The following AUTS2 variants were observed in gnomAD, a reference collection of about 807,000 sequenced individuals.
AUTS2 encodes autism susceptibility gene 2 protein.
In AUTS2, 17 loss-of-function variants were observed where a neutral mutation model predicts 112.4. The observed-to-expected ratio is 0.15, with a 90% confidence interval of 0.10 to 0.23. AUTS2 has a LOEUF of 0.23. Among genes scored for constraint, AUTS2 ranks in the 10% least tolerant of loss-of-function variants. AUTS2 has a pLI of 1.00. For synonymous variants in AUTS2, 751 were observed against 702.7 expected (o/e 1.07, Z -1.09); for missense variants, 1,510 against 1,701.6 (o/e 0.89, Z 1.98).
intron 4 of AUTS2, among the ~76,000 whole-genome samples, chr7:70,302,270 G>A (rs1789252130): frequency 6.6e-6 from 1 of 152,018 alleles, no homozygotes; most frequent in Non-Finnish European, 1.5e-5. Context: ...TTAAAAAAGT[G>A]GGCATGGTGG....
intron 2 of AUTS2, among the ~76,000 whole-genome samples, chr7:70,031,694 TTGAG>T (rs1460774108): frequency 2.0e-5 from 3 of 152,154 alleles, no homozygotes; most frequent in Non-Finnish European, 4.4e-5. Flanking sequence ...TCCTGCACAA[TTGAG>T]TGATGCTCTA....
At position 70,789,870 on chromosome 7, in the gene AUTS2, G is replaced by A. The variant is rs745581942; in HGVS notation, c.2654G>A (p.Arg885Gln). 3 of 1,614,098 alleles carry A rather than the reference G, an allele frequency of 1.9e-6. No homozygotes were observed. The highest frequency in any genetic ancestry group is 2.2e-5 in the East Asian group (1 of 44,850). The change falls in exon 19 of 19, where the codon CGG becomes CAG. Residue 885 changes from arginine (R) to glutamine (Q), a missense_variant. Around this residue, in one of 3 missense-constraint regions of AUTS2, gnomAD observed 788 missense variants for 797.6 expected, o/e 0.99. Coordinates refer to ENST00000342771, the MANE Select transcript of AUTS2 (RefSeq NM_015570.4). Reference sequence around the variant, plus strand: ...CGGGCTCATCTGAACACTGAGGCTCGGGAGAAGGACAAACCCAAAGAGAGG... The same window carrying A: ...CGGGCTCATCTGAACACTGAGGCTCAGGAGAAGGACAAACCCAAAGAGAGG... The part of the protein sequence containing the change: ...QIRAHLNTEA[R>Q]EKDKPKERER...
At chr7:69,840,811 T>C (rs757183888) in intron 1 of AUTS2, among the ~76,000 whole-genome samples, 4 of 152,204 alleles carry the variant, frequency 2.6e-5, no homozygotes, top group Non-Finnish European at 5.9e-5. Context: ...CTTTCATGAT[T>C]GGTAAGAGAA....
intron 5 of AUTS2, among the ~76,000 whole-genome samples, chr7:70,620,595 C>A (rs1027928992): frequency 5.3e-5 from 8 of 152,110 alleles, no homozygotes; most frequent in Middle Eastern, 3.2e-3. Flanking sequence ...TTGTCCTGAA[C>A]CTTGACCCTT....
intron 1 of AUTS2, among the ~76,000 whole-genome samples, chr7:69,707,495 A>T (rs11764717): frequency 0.098 from 14,829 of 152,012 alleles, 1,141 homozygotes; most frequent in African/African-American, 0.21. Flanking sequence ...TTTTTATTTA[A>T]AAAAAAAGTC....
intron 4 of AUTS2, among the ~76,000 whole-genome samples, chr7:70,417,775 C>G (rs1205536777): frequency 1.3e-5 from 2 of 152,154 alleles, no homozygotes; most frequent in African/African-American, 4.8e-5. Flanking sequence ...GCCTTTGAGC[C>G]TGGGGCCTCT....
chr7:70,066,553 T>C (rs1186287882), intron 2 of AUTS2, among the ~76,000 whole-genome samples: 2 of 151,628 alleles, frequency 1.3e-5, no homozygotes, highest in African/African-American at 4.8e-5. Context: ...TTTTTTTTTT[T>C]TTTTTCAAAC....
chr7:69,643,759 G>A lies in AUTS2; in HGVS notation c.309+43797G>A, dbSNP rs535406686. ...AAATTTGAAGAAGCTCCCTGATATT[G>A]AGTGAATTGTATTCTCCACCCCCCA... On this transcript the variant is annotated intron_variant, in intron 1 of 18. Transcript: ENST00000342771. Among the ~76,000 whole-genome samples, 5 of 152,048 alleles carry A rather than the reference G, an allele frequency of 3.3e-5. No homozygotes were observed. In the South Asian group the frequency reaches 1.0e-3, roughly 32 times the overall value.
chr7:69,682,799 C>CGGCCTGCAGTCCCAAGCTGGTGT (rs1187751468), intron 1 of AUTS2, among the ~76,000 whole-genome samples: 1 of 152,086 alleles, frequency 6.6e-6, no homozygotes, highest in Non-Finnish European at 1.5e-5. Context: ...CATGGTGGTT[C>CGGCCTGCAGTCCCAAGCTGGTGT]GGCCTGCAGT....
intron 5 of AUTS2, among the ~76,000 whole-genome samples, chr7:70,613,032 C>T (rs1302295366): frequency 6.6e-6 from 1 of 151,992 alleles, no homozygotes; most frequent in Non-Finnish European, 1.5e-5. Context: ...CTTTCTTCTT[C>T]GCTTGGGTGC....
intron 1 of AUTS2, among the ~76,000 whole-genome samples, chr7:69,795,912 G>T (rs1048215811): frequency 1.3e-5 from 2 of 152,140 alleles, no homozygotes; most frequent in Non-Finnish European, 2.9e-5. Context: ...TAGTTCTTTA[G>T]GCATGCCTGC....
At chr7:70,303,434 G>GCACACACACACACACACACACACA (rs1427875852) in intron 4 of AUTS2, among the ~76,000 whole-genome samples, 1 of 141,948 alleles carries the variant, frequency 7.0e-6, no homozygotes, top group East Asian at 2.1e-4. Context: ...GCGCGCGCGC[G>GCACACACACACACACACACACACA]CACATACACA....
chr7:69,639,419 A>G (rs1376813100), intron 1 of AUTS2, among the ~76,000 whole-genome samples: 1 of 152,188 alleles, frequency 6.6e-6, no homozygotes, highest in Admixed American at 6.5e-5. Flanking sequence ...TTGAGGCTCT[A>G]AGGGACCTTT....
At chr7:70,783,871 T>C (rs1791256689) in intron 15 of AUTS2, 1 of 152,190 alleles carries the variant, frequency 6.6e-6, no homozygotes, top group African/African-American at 2.4e-5. Flanking sequence ...ACAAGCCCAT[T>C]TGGTGCCCTA....
chr7:70,669,763 C>A (rs1807540207), intron 5 of AUTS2, among the ~76,000 whole-genome samples: 1 of 152,184 alleles, frequency 6.6e-6, no homozygotes, highest in Non-Finnish European at 1.5e-5. Flanking sequence ...CTGTGCGTTT[C>A]TTATTTGATT....
chr7:69,895,646 TG>T (rs2129539942), intron 1 of AUTS2, among the ~76,000 whole-genome samples: 1 of 151,514 alleles, frequency 6.6e-6, no homozygotes, highest in African/African-American at 2.4e-5. Context: ...TGTCACGGCA[TG>T]GGGTCCATTT....
chr7:70,265,286 G>A (rs1327273526), intron 4 of AUTS2, among the ~76,000 whole-genome samples: 1 of 152,150 alleles, frequency 6.6e-6, no homozygotes, highest in Admixed American at 6.6e-5. Flanking sequence ...TGGTGGTGAG[G>A]CTGTCCCCGT....
At chr7:70,078,583 T>C (rs1803149024) in intron 2 of AUTS2, among the ~76,000 whole-genome samples, 1 of 152,232 alleles carries the variant, frequency 6.6e-6, no homozygotes, top group Non-Finnish European at 1.5e-5. Context: ...ATGTCTTCAT[T>C]TTCTGTGCCA....
At chr7:70,601,163 C>T (rs889526499) in intron 5 of AUTS2, among the ~76,000 whole-genome samples, 3 of 152,166 alleles carry the variant, frequency 2.0e-5, no homozygotes, top group African/African-American at 4.8e-5. Context: ...CCAGTTTCTC[C>T]GTATTATCTC....
Sources: gnomAD v4.1 joint callset for allele counts (sites outside exome capture counted in the v4.1 genomes callset) on GRCh38, gnomAD v4.1.1 for gene constraint, gnomAD v4.1.1 regional missense constraint, MANE v1.5 for transcripts, NCBI Gene and HGNC (gene_info 2026-07-23, HGNC 2026-07-21) for gene names.